Variants in PDE4D observed in about 807,000 individuals in gnomAD.
PDE4D encodes 3',5'-cyclic-AMP phosphodiesterase 4D.
Under a neutral mutation model 87.4 loss-of-function variants are expected in PDE4D, and 24 were observed. The ratio of observed to expected loss-of-function variants is 0.27; its 90% confidence interval spans 0.20 to 0.39. PDE4D has a LOEUF of 0.39. Ranked by LOEUF, PDE4D falls within the 10% of genes least tolerant of loss-of-function variation. The pLI, the probability that PDE4D is intolerant of heterozygous loss-of-function variation, is 1.00. For synonymous variants in PDE4D, 384 were observed against 383.2 expected (o/e 1.00, Z -0.02); for missense variants, 714 against 1,041.0 (o/e 0.69, Z 4.32).
intron 1 of PDE4D, among the ~76,000 whole-genome samples, chr5:59,491,476 A>G (rs999774421): frequency 6.6e-6 from 1 of 152,170 alleles, no homozygotes; most frequent in Admixed American, 6.5e-5. Flanking sequence ...ATACAATGCT[A>G]ATTAAGTAGC....
At chr5:59,782,031 G>A (rs1764690071) in intron 1 of PDE4D, among the ~76,000 whole-genome samples, 1 of 152,068 alleles carries the variant, frequency 6.6e-6, no homozygotes, top group South Asian at 2.1e-4. Flanking sequence ...AGGGATGAGA[G>A]TTTTGAGTAT....
chr5:59,757,476 T>G (rs952127978), intron 1 of PDE4D, among the ~76,000 whole-genome samples: 1 of 152,334 alleles, frequency 6.6e-6, no homozygotes, highest in East Asian at 1.9e-4. Flanking sequence ...TCAAAGAGAC[T>G]ATTCTATAAT....
At chr5:59,194,702 A>G (rs1561674779) in intron 2 of PDE4D, among the ~76,000 whole-genome samples, 1 of 152,200 alleles carries the variant, frequency 6.6e-6, no homozygotes, top group South Asian at 2.1e-4. Context: ...TGCTCTTTGT[A>G]GAGATTATTC....
intron 1 of PDE4D, among the ~76,000 whole-genome samples, chr5:59,860,913 C>T (rs899139921): frequency 2.0e-5 from 3 of 151,604 alleles, no homozygotes; most frequent in Non-Finnish European, 1.5e-5. Flanking sequence ...GGCTGGAGTG[C>T]AATGGTACGA....
chr5:60,143,558 C>A (rs967966907), intron 2 of PDE4D, among the ~76,000 whole-genome samples: 6 of 149,606 alleles, frequency 4.0e-5, no homozygotes, highest in African/African-American at 1.0e-4. Flanking sequence ...TTGCCTGAGT[C>A]CTAACCTGAG....
chr5:59,157,012 A>AC, intron 5 of PDE4D: 1 of 119,546 alleles, frequency 8.4e-6, no homozygotes, highest in Non-Finnish European at 1.4e-5. Context: ...TTCTTCATTA[A>AC]TTAAAAAAAA....
chr5:60,494,708 A>G (rs896062104), intron 1 of PDE4D, among the ~76,000 whole-genome samples: 1 of 152,148 alleles, frequency 6.6e-6, no homozygotes, highest in African/African-American at 2.4e-5. Context: ...AATATAAGTA[A>G]ATGGTCCTGC....
intron 1 of PDE4D, among the ~76,000 whole-genome samples, chr5:59,400,684 G>T (rs920943060): frequency 2.1e-4 from 32 of 151,520 alleles, no homozygotes; most frequent in African/African-American, 7.0e-4. Context: ...GTATACGTAT[G>T]TAACTAACCT....
chr5:59,588,120 G>A (rs962382791), intron 1 of PDE4D, among the ~76,000 whole-genome samples: 1 of 152,228 alleles, frequency 6.6e-6, no homozygotes, highest in African/African-American at 2.4e-5. Flanking sequence ...GCAGAAGTCA[G>A]TTGTACTTCA....
chr5:60,351,790 T>C (rs989324267), intron 1 of PDE4D, among the ~76,000 whole-genome samples: 1 of 132,608 alleles, frequency 7.5e-6, no homozygotes, highest in Admixed American at 7.0e-5. Context: ...ATTTTATTTA[T>C]TTATTTATTT....
intron 1 of PDE4D, among the ~76,000 whole-genome samples, chr5:60,337,679 C>A (rs929093037): frequency 1.3e-5 from 2 of 152,020 alleles, no homozygotes; most frequent in Non-Finnish European, 2.9e-5. Flanking sequence ...GGCCCTCACA[C>A]ATTTCAGACA....
chr5:60,383,497 C>T (rs1047691929), intron 1 of PDE4D, among the ~76,000 whole-genome samples: 4 of 152,176 alleles, frequency 2.6e-5, no homozygotes, highest in Non-Finnish European at 4.4e-5. Context: ...AAATCAGCTA[C>T]TTCCAAGCAA....
chr5:59,649,904 C>CTTTTTTTTTTT lies in PDE4D; in HGVS notation c.455+243263_455+243264insAAAAAAAAAAA, dbSNP rs1561402852. On this transcript the variant is annotated intron_variant, in intron 1 of 14. Coordinates refer to ENST00000340635, the MANE Select transcript of PDE4D (RefSeq NM_001104631.2). ...TGTTAAAATGTTGATAGTTTGTGAACCTTTTTTTTTTTTTTTTTTTTTTTT... is the reference window on the plus strand; with the variant it reads ...TGTTAAAATGTTGATAGTTTGTGAACTTTTTTTTTTTCTTTTTTTTTTTTTTTTTTTTTTTT... 6.6e-3 allele frequency among the ~76,000 whole-genome samples: 490 copies of CTTTTTTTTTTT among 73,938 alleles called. 102 individuals carry two copies. The highest frequency in any genetic ancestry group is 8.6e-3 in the Middle Eastern group (1 of 116). 48.5% of individuals were successfully genotyped at this position (73,938 alleles called of 152,430 possible).
At chr5:60,422,602 A>G (rs1250777160) in intron 1 of PDE4D, among the ~76,000 whole-genome samples, 1 of 152,256 alleles carries the variant, frequency 6.6e-6, no homozygotes, top group Non-Finnish European at 1.5e-5. Context: ...GCCAAATTGT[A>G]AAGACCATCG....
chr5:59,214,068 ACACACACAC>A (rs1161846678), intron 2 of PDE4D, among the ~76,000 whole-genome samples: 416 of 149,534 alleles, frequency 2.8e-3, no homozygotes, highest in African/African-American at 9.7e-3. Context: ...ACACACACAC[ACACACACAC>A]AACCATTCTA....
intron 6 of PDE4D, among the ~76,000 whole-genome samples, chr5:59,032,506 G>A (rs1022148797): frequency 4.6e-5 from 7 of 152,172 alleles, no homozygotes; most frequent in Non-Finnish European, 8.8e-5. Context: ...TTGAACTTGG[G>A]AGGCGGAGGT....
In PDE4D at chr5:60,340,495, C is replaced by T. The variant is rs561877411; in HGVS notation, c.-90+147447G>A. Among the ~76,000 whole-genome samples the T allele has an allele frequency of 1.3e-4, 19 of 151,842 alleles. No individual in the cohort carries two copies. In the South Asian group the frequency reaches 3.7e-3, roughly 30 times the overall value. ...GACTAGGACATGGTGATGCCACAAT[C>T]CTCCCACATCTCCAAGAAATCATAA... On this transcript the variant is annotated intron_variant, in intron 1 of 16. Transcript: ENST00000502484.
At chr5:59,210,046 G>A (rs755469472) in intron 2 of PDE4D, among the ~76,000 whole-genome samples, 34 of 152,272 alleles carry the variant, frequency 2.2e-4, no homozygotes, top group Non-Finnish European at 3.8e-4. Context: ...CCCCAGCTGG[G>A]AAAAACCCAG....
intron 1 of PDE4D, among the ~76,000 whole-genome samples, chr5:59,653,542 TA>T (rs1293678385): frequency 1.3e-5 from 2 of 152,218 alleles, no homozygotes; most frequent in African/African-American, 4.8e-5. Flanking sequence ...GTGGTATAAA[TA>T]AACAATAAGC....
Sources: allele counts gnomAD v4.1 joint callset (sites outside exome capture counted in the v4.1 genomes callset), GRCh38; gene constraint gnomAD v4.1.1; transcripts MANE v1.5; gene names NCBI Gene and HGNC (gene_info 2026-07-23, HGNC 2026-07-21).